The following GATA4 variants were observed in gnomAD, a reference collection of about 807,000 sequenced individuals.
The protein encoded by GATA4 is transcription factor GATA-4.
GATA4 carries 7 observed loss-of-function variants against 37.9 expected under a neutral mutation model. That is an observed-to-expected ratio of 0.18 (90% confidence interval 0.11 to 0.35). The LOEUF (loss-of-function observed/expected upper bound fraction) is 0.35. Among genes scored for constraint, GATA4 ranks in the 10% least tolerant of loss-of-function variants. The pLI, the probability that GATA4 is intolerant of heterozygous loss-of-function variation, is 1.00. For synonymous variants in GATA4, 372 were observed against 292.6 expected (o/e 1.27, Z -2.77); for missense variants, 647 against 653.0 (o/e 0.99, Z 0.10).
At chr8:11,679,460 C>T (rs925773255) in intron 1 of GATA4, among the ~76,000 whole-genome samples, 6 of 152,188 alleles carry the variant, frequency 3.9e-5, no homozygotes, top group Admixed American at 3.3e-4. Flanking sequence ...AACCAGGCGG[C>T]GTCAGGCTTG....
intron 2 of GATA4, among the ~76,000 whole-genome samples, chr8:11,718,386 G>A (rs1185797164): frequency 6.6e-6 from 1 of 152,232 alleles, no homozygotes; most frequent in Admixed American, 6.5e-5. Context: ...TTGACCTGAT[G>A]TTTTAAAATA....
chr8:11,686,338 G>C, intron 1 of GATA4, among the ~76,000 whole-genome samples: 1 of 151,968 alleles, frequency 6.6e-6, no homozygotes, highest in East Asian at 1.9e-4. Context: ...ATTGCATTCT[G>C]AATATAGCAT....
intron 2 of GATA4, among the ~76,000 whole-genome samples, chr8:11,742,661 G>C (rs1344476621): frequency 6.6e-6 from 1 of 152,228 alleles, no homozygotes; most frequent in Non-Finnish European, 1.5e-5. Context: ...AGCTGTGTGG[G>C]CCTCCCCGTG....
At chr8:11,706,804 A>C (rs1460861299) in intron 1 of GATA4, among the ~76,000 whole-genome samples, 1 of 152,162 alleles carries the variant, frequency 6.6e-6, no homozygotes, top group Non-Finnish European at 1.5e-5. Context: ...ACAAGTTTCA[A>C]AACTTTCCAG....
At chr8:11,712,890 T>A (rs1325548815) in intron 2 of GATA4, among the ~76,000 whole-genome samples, 2 of 151,974 alleles carry the variant, frequency 1.3e-5, no homozygotes, top group African/African-American at 4.8e-5. Context: ...AGAAAGGATA[T>A]ACTCTGCTTT....
Position 11,708,630 on chromosome 8 carries a change from G to A in GATA4, c.318G>A (p.Pro106=). The A allele has an allele frequency of 7.5e-7, 1 of 1,338,740 alleles. No homozygotes were observed. Among genetic ancestry groups the A allele is most frequent in the East Asian group, 3.2e-5 (1 of 31,704 alleles). 82.9% of individuals were successfully genotyped at this position (1,338,740 alleles called of 1,614,324 possible). A position where few individuals can be genotyped will look rare whatever the true frequency, so the allele number is the denominator to read the frequency against. Residue 106 remains proline (P), a synonymous_variant, in exon 2 of 7, where the codon CCG becomes CCA. Coordinates refer to ENST00000532059, the MANE Select transcript of GATA4 (RefSeq NM_001308093.3). The surrounding 1 kb of genome is among the most constrained non-coding windows in gnomAD (Gnocchi z 6.7). ...GAAYTPPPVS[P]RFSFPGTTGS... ...CTTACACCCCGCCGCCGGTGTCGCC[G>A]CGCTTCTCCTTCCCGGGGACCACCG...
At position 11,749,873 on chromosome 8, in the gene GATA4, G is replaced by T. The variant is rs2130311465; in HGVS notation, c.787-238G>T. On this transcript the variant is annotated intron_variant, in intron 3 of 6. Coordinates refer to ENST00000532059, the MANE Select transcript of GATA4 (RefSeq NM_001308093.3). This position sits in a 1 kb window ranked among gnomAD's most constrained non-coding sequence, Gnocchi z 4.6. The stretch of plus-strand genomic sequence containing the variant: ...AATGATGGTTAGGACTGGAAACCAG[G>T]TCTCGATGCCCACGTTCGCTCTCCT... Among the ~76,000 whole-genome samples, 1 of 152,326 alleles carries T rather than the reference G, an allele frequency of 6.6e-6. No homozygotes were observed. Among genetic ancestry groups the T allele is most frequent in the South Asian group, 2.1e-4 (1 of 4,826 alleles).
rs1297406346 is a variant in GATA4 at position 11,750,131 on chromosome 8, C to G, written c.807C>G (p.Gly269=). The G allele has an allele frequency of 1.2e-6, 2 of 1,613,978 alleles. No homozygotes were observed. Among genetic ancestry groups the G allele is most frequent in the African/African-American group, 2.7e-5 (2 of 74,954 alleles). The part of the protein sequence containing the change: ...QRRLSASRRV[G]LSCANCQTTT... ...TGCAGTCCGCCTCCCGCCGAGTGGG[C>G]CTCTCCTGTGCCAACTGCCAGACCA... is the stretch of plus-strand genomic sequence containing the variant. Residue 269 remains glycine, a synonymous_variant, in exon 4 of 7, where the codon GGC becomes GGG. Transcript: ENST00000532059.
chr8:11,742,889 TG>T (rs1801822810), intron 2 of GATA4, among the ~76,000 whole-genome samples: 1 of 152,238 alleles, frequency 6.6e-6, no homozygotes, highest in South Asian at 2.1e-4. Context: ...GACATTTGGG[TG>T]GGGCTGAGAC....
chr8:11,708,799 C>G lies in GATA4; in HGVS notation c.487C>G (p.Pro163Ala). The change falls in exon 2 of 7, where the codon CCG becomes GCG. Residue 163 changes from proline to alanine, a missense_variant. Physicochemically the swap from Pro to Ala is conservative, Grantham distance 27. This residue lies in a region of GATA4 where 379 missense variants were observed against 334.5 expected (regional missense o/e 1.13). Transcript: ENST00000532059. This position sits in a 1 kb window ranked among gnomAD's most constrained non-coding sequence, Gnocchi z 6.7. ...CGCGGGCTCCTACTCCAGCCCCTAC[C>G]CGGCTTACATGGCCGACGTGGGCGC... ...GFAGSYSSPYPAYMADVGASW... is the reference protein window; with the variant it reads ...GFAGSYSSPYAAYMADVGASW... The G allele has an allele frequency of 6.8e-7, 1 of 1,476,918 alleles. No individual in the cohort carries two copies. The highest frequency in any genetic ancestry group is 8.9e-7 in the Non-Finnish European group (1 of 1,121,032). 91.5% of individuals were successfully genotyped at this position (1,476,918 alleles called of 1,614,324 possible).
rs1801617578 is a variant in GATA4 at position 11,739,466 on chromosome 8, G to A, written c.617-9450G>A. Reference sequence around the variant, plus strand: ...GGGCTGGCTTTTAGTGCAACGTGGTGTGATTTTCCATATACATCCATCATA... The same window carrying A: ...GGGCTGGCTTTTAGTGCAACGTGGTATGATTTTCCATATACATCCATCATA... On this transcript the variant is annotated intron_variant, in intron 2 of 6. Transcript: ENST00000532059. 2.0e-5 allele frequency among the ~76,000 whole-genome samples: 3 copies of A among 152,046 alleles called. No individual in the cohort carries two copies. In the East Asian group the frequency reaches 5.8e-4, roughly 29 times the overall value.
chr8:11,732,206 A>G (rs1425968049), intron 2 of GATA4, among the ~76,000 whole-genome samples: 1 of 152,264 alleles, frequency 6.6e-6, no homozygotes, highest in Admixed American at 6.5e-5. Context: ...ACCATGTGTA[A>G]TAAAAGACTG....
chr8:11,759,599 A>T lies in GATA4; in HGVS notation c.*1124A>T, dbSNP rs1802791719. On this transcript the variant is annotated 3_prime_UTR_variant, in exon 7 of 7. Coordinates refer to ENST00000532059, the MANE Select transcript of GATA4 (RefSeq NM_001308093.3). The stretch of plus-strand genomic sequence containing the variant: ...GAAGCAAACAAACACAACACAACAG[A>T]ATTCCTGGAAAGAAGACGACTGCTA... 1 of 152,266 alleles carries T rather than the reference A, an allele frequency of 6.6e-6. No individual in the cohort carries two copies. The highest frequency in any genetic ancestry group is 2.4e-5 in the African/African-American group (1 of 41,450). The allele number at this position is 152,266 out of a possible 1,614,324, so 9.4% of individuals were successfully genotyped here.
rs1447123508 is a variant in GATA4 at position 11,693,554 on chromosome 8, C to CAG, written c.-729+895_-729+896insGA. On this transcript the variant is annotated intron_variant, in intron 1 of 2. Coordinates refer to the GATA4 transcript ENST00000526974. ...ACACACACACACACACACACACACA[C>CAG]ACACACACAGAGAGAGAGAGAGAGA... is the stretch of plus-strand genomic sequence containing the variant. Among the ~76,000 whole-genome samples, 77 of 113,284 alleles carry CAG rather than the reference C, an allele frequency of 6.8e-4. 1 individual carries two copies. Among genetic ancestry groups the CAG allele is most frequent in the Middle Eastern group, 4.2e-3 (1 of 238 alleles). 74.3% of individuals were successfully genotyped at this position (113,284 alleles called of 152,430 possible).
chr8:11,740,495 C>T (rs1801677530), intron 2 of GATA4, among the ~76,000 whole-genome samples: 1 of 152,222 alleles, frequency 6.6e-6, no homozygotes, highest in South Asian at 2.1e-4. Context: ...GGCAGGGTCC[C>T]TGCAAACACA....
At chr8:11,700,130 G>C (rs949224080), upstream of GATA4, among the ~76,000 whole-genome samples, 1 of 152,162 alleles carries the variant, frequency 6.6e-6, no homozygotes, top group African/African-American at 2.4e-5. Context: ...TGATATTGTT[G>C]TTCCCTAGAG....
At chr8:11,747,859 A>T (rs1403615883) in intron 2 of GATA4, among the ~76,000 whole-genome samples, 1 of 152,224 alleles carries the variant, frequency 6.6e-6, no homozygotes, top group Non-Finnish European at 1.5e-5. Flanking sequence ...AGAATTTGTC[A>T]TTGGGAAAAT....
rs186918898 is a variant in GATA4, at chr8:11,683,001, A to T, written c.-274+5938A>T. 582 of 916,500 alleles carry T rather than the reference A, an allele frequency of 6.4e-4. No individual in the cohort carries two copies. The African/African-American group carries it at 9.5e-3, about 15-fold the overall frequency. The allele number at this position is 916,500 out of a possible 1,614,324, so 56.8% of individuals were successfully genotyped here. A position where few individuals can be genotyped will look rare whatever the true frequency, so the allele number is the denominator to read the frequency against. ...ACTGGGTTCAGAGAAAGTTCTGGGA[A>T]GAGTCTTGAGGTGGAAACAGCCTCG... On this transcript the variant is annotated intron_variant, in intron 1 of 6. Transcript: ENST00000528712.
At chr8:11,747,817 T>C (rs1227592023) in intron 2 of GATA4, among the ~76,000 whole-genome samples, 1 of 152,116 alleles carries the variant, frequency 6.6e-6, no homozygotes, top group African/African-American at 2.4e-5. Flanking sequence ...GGTATATGAG[T>C]GTATAAAGAA....
Sources: gnomAD v4.1 joint callset for allele counts (sites outside exome capture counted in the v4.1 genomes callset) on GRCh38, gnomAD v4.1.1 for gene constraint, gnomAD v4.1.1 regional missense constraint, Gnocchi (gnomAD v3.1) non-coding constraint, MANE v1.5 for transcripts, NCBI Gene and HGNC (gene_info 2026-07-23, HGNC 2026-07-21) for gene names.